USH2A: variants seen among roughly 807,000 people sequenced by gnomAD.
USH2A encodes the protein usherin.
In USH2A, 443 loss-of-function variants were observed where a neutral mutation model predicts 538.9. The ratio of observed to expected loss-of-function variants is 0.82; its 90% CI spans 0.76 to 0.89. USH2A has a LOEUF of 0.89. Ranked by LOEUF, USH2A falls within the 40% of genes least tolerant of loss-of-function variation. The probability of loss-of-function intolerance (pLI) is 0.00; values close to 1 mark genes in which losing one functional copy is unlikely to be tolerated. For missense variants in USH2A, 6,633 were observed against 6,324.8 expected (o/e 1.05, Z -1.65); for synonymous variants, 2,413 against 2,273.5 (o/e 1.06, Z -1.75).
At chr1:216,147,348 G>GCC (rs1266052039) in intron 21 of USH2A, among the ~76,000 whole-genome samples, 1 of 152,074 alleles carries the variant, frequency 6.6e-6, no homozygotes, top group Non-Finnish European at 1.5e-5. Context: ...TCCGTGACTA[G>GCC]CCCTCCCCCA....
intron 21 of USH2A, among the ~76,000 whole-genome samples, chr1:216,145,638 CCT>C (rs2033681333): frequency 6.6e-6 from 1 of 152,302 alleles, no homozygotes; most frequent in East Asian, 1.9e-4. Flanking sequence ...CATCGCATCC[CCT>C]GTGACCTGCA....
At chr1:215,721,135 T>A (rs1571620068) in intron 61 of USH2A, among the ~76,000 whole-genome samples, 1 of 152,036 alleles carries the variant, frequency 6.6e-6, no homozygotes, top group Non-Finnish European at 1.5e-5. Flanking sequence ...AATGCAATGG[T>A]GCAATCTCGG....
In USH2A at chr1:216,051,357, T is replaced by C. The variant is rs1347772732; in HGVS notation, c.6050-2710A>G. On this transcript the variant is annotated intron_variant, in intron 30 of 71. Transcript: ENST00000307340. ...TAAGCTTCATTTTTCCATTTTGTAA[T>C]GCCTCCACCACGATACCCAAATTCC... Among the ~76,000 whole-genome samples, 6 of 152,232 alleles carry C rather than the reference T, an allele frequency of 3.9e-5. No individual in the cohort carries two copies. The South Asian group carries it at 1.0e-3, about 26-fold the overall frequency.
At chr1:215,868,485 C>T (rs1036171563) in intron 43 of USH2A, among the ~76,000 whole-genome samples, 2 of 152,176 alleles carry the variant, frequency 1.3e-5, no homozygotes, top group African/African-American at 4.8e-5. Flanking sequence ...ATCTTCTACA[C>T]CTCCCTGCTT....
chr1:216,045,937 A>C lies in USH2A; in HGVS notation c.6325+494T>G, dbSNP rs2030497889. ...CAAGATCATACAATTGGAGTGATTA[A>C]CAGGAGATAAAAATAAGCAACCCAA... On this transcript the variant is annotated intron_variant, in intron 32 of 71. Transcript: ENST00000307340. Among the ~76,000 whole-genome samples, 3 of 152,006 alleles carry C rather than the reference A, an allele frequency of 2.0e-5. No homozygotes were observed. The South Asian group carries it at 6.2e-4, about 32-fold the overall frequency.
intron 47 of USH2A, among the ~76,000 whole-genome samples, chr1:215,833,392 A>G (rs1376071395): frequency 2.6e-5 from 4 of 151,986 alleles, no homozygotes; most frequent in African/African-American, 9.6e-5. Flanking sequence ...AAAATGGCCT[A>G]CAAAACGTGT....
At chr1:216,190,457 TCAGA>T in intron 19 of USH2A, 90 bp from the exon 20 acceptor site, 1 of 1,530,174 alleles carries the variant, frequency 6.5e-7, no homozygotes, top group Non-Finnish European at 8.8e-7. Context: ...TTCCATGAAT[TCAGA>T]CAGAGGGAAT....
At chr1:216,256,603 A>G (rs1452937914) in intron 11 of USH2A, among the ~76,000 whole-genome samples, 1 of 152,014 alleles carries the variant, frequency 6.6e-6, no homozygotes, top group Non-Finnish European at 1.5e-5. Context: ...CCACAAGACC[A>G]ATCTCTCCTC....
intron 22 of USH2A, among the ~76,000 whole-genome samples, chr1:216,089,413 TGATGAATATAGCTATTCATCAGAA>T (rs1432191234): frequency 1.3e-5 from 2 of 152,130 alleles, no homozygotes; most frequent in Admixed American, 6.5e-5. Context: ...TTGCATTTTC[TGATGAATATAGCTATTCATCAGAA>T]GGGTAAAGAA....
chr1:215,878,907 C>T lies in USH2A; in HGVS notation c.8415G>A (p.Gly2805=), dbSNP rs1664839564. 3.1e-6 allele frequency: 5 copies of T among 1,613,984 alleles called. 1 individual carries two copies. In the East Asian group the frequency reaches 1.1e-4, roughly 36 times the overall value. Residue 2805 remains glycine (G), a synonymous_variant, in exon 42 of 72, where the codon GGG becomes GGA. Coordinates refer to ENST00000307340, the MANE Select transcript of USH2A (RefSeq NM_206933.4). ...ACSGGNGYLG[G]CTESLPTYVT... ...CATAGGTAGGTAAACTCTCTGTGCA[C>T]CCTCCAAGGTACCCATTACCCCCTG...
rs138087806 is a variant in USH2A at position 215,877,864 on chromosome 1, G to A, written c.8575C>T (p.Arg2859Cys). 1.9e-4 allele frequency: 305 copies of A among 1,613,630 alleles called. 1 individual carries two copies. In the African/African-American group the frequency reaches 2.0e-3, roughly 11 times the overall value. ...GPNLRYELLRRKIQQPLASNP... is the reference protein window; with the variant it reads ...GPNLRYELLRCKIQQPLASNP... ...GATGCAAGTGGCTGCTGGATTTTAC[G>A]TCTCAGAAGCTCATATCTAAAGCAA... Residue 2859 changes from arginine (R) to cysteine (C), a missense_variant, in exon 43 of 72, where the codon CGT becomes TGT. By Grantham distance (180) the Arg-to-Cys change is radical (BLOSUM62 -3). Transcript: ENST00000307340.
chr1:215,901,081 A>G, intron 38 of USH2A, 176 bp from the exon 39 acceptor site: 1 of 771,686 alleles, frequency 1.3e-6, no homozygotes, highest in Admixed American at 2.2e-5. Context: ...CTTATTGTTC[A>G]TTTCAACACA....
At chr1:215,838,177 C>G in intron 46 of USH2A, 74 bp from the exon 47 acceptor site, 1 of 1,170,336 alleles carries the variant, frequency 8.5e-7, no homozygotes. Context: ...TGAATCCCAC[C>G]TTCCCTCATT....
At chr1:216,065,363 T>C (rs564874017) in intron 30 of USH2A, among the ~76,000 whole-genome samples, 1 of 152,200 alleles carries the variant, frequency 6.6e-6, no homozygotes, top group Non-Finnish European at 1.5e-5. Context: ...ACATAAACAA[T>C]AATCAACCCT....
At position 216,199,692 on chromosome 1, in the gene USH2A, G is replaced by T. The variant is rs2034937106; in HGVS notation, c.3746C>A (p.Pro1249His). The stretch of plus-strand genomic sequence containing the variant: ...TGTAGAACTGATTTTCTGCATCTTA[G>T]GTGGACTTAGTCTTTGGGGAGGGGC... Reference protein sequence around the residue: ...AQAPPQRLSPPKMQKISSTEL... With the variant: ...AQAPPQRLSPHKMQKISSTEL... The change falls in exon 17 of 72, where the codon CCT becomes CAT. Residue 1249 changes from proline to histidine, a missense_variant. Pro to His is a moderately conservative substitution (Grantham distance 77). Coordinates refer to ENST00000307340, the MANE Select transcript of USH2A (RefSeq NM_206933.4). 6.2e-7 allele frequency: 1 copy of T among 1,613,952 alleles called. No individual in the cohort carries two copies. The highest frequency in any genetic ancestry group is 1.3e-5 in the African/African-American group (1 of 74,920).
intron 38 of USH2A, among the ~76,000 whole-genome samples, chr1:215,909,383 ATATT>A (rs1665718525): frequency 6.6e-6 from 1 of 151,936 alleles, no homozygotes; most frequent in Non-Finnish European, 1.5e-5. Context: ...ATGTCATTAT[ATATT>A]AGCCTAAAGC....
chr1:216,140,283 A>C (rs1346423557), intron 21 of USH2A, among the ~76,000 whole-genome samples: 2 of 152,190 alleles, frequency 1.3e-5, no homozygotes, highest in Non-Finnish European at 2.9e-5. Context: ...TTCCAGGGGC[A>C]TGCACAGTGC....
chr1:215,954,800 C>T (rs954844998), intron 37 of USH2A, among the ~76,000 whole-genome samples: 3 of 151,936 alleles, frequency 2.0e-5, no homozygotes, highest in Admixed American at 6.5e-5. Flanking sequence ...GTCCTTAAAA[C>T]AGTCTGCTGC....
chr1:215,672,414 C>T (rs1657847482), intron 63 of USH2A, among the ~76,000 whole-genome samples: 1 of 152,072 alleles, frequency 6.6e-6, no homozygotes, highest in Non-Finnish European at 1.5e-5. Context: ...TTTATTCCCA[C>T]TTTCTTCTCC....
Sources: gnomAD v4.1 joint callset for allele counts (sites outside exome capture counted in the v4.1 genomes callset) on GRCh38, gnomAD v4.1.1 for gene constraint, MANE v1.5 for transcripts, NCBI Gene and HGNC (gene_info 2026-07-23, HGNC 2026-07-21) for gene names.